Variants in CNTNAP2 observed in about 807,000 individuals in gnomAD.
CNTNAP2 encodes contactin-associated protein-like 2.
Under a neutral mutation model 155.2 loss-of-function variants are expected in CNTNAP2, and 98 were observed. That is an observed-to-expected ratio of 0.63 (90% CI 0.54 to 0.75). The LOEUF is 0.75. Among genes scored for constraint, CNTNAP2 ranks in the 30% least tolerant of loss-of-function variants. CNTNAP2 has a pLI of 0.00. For synonymous variants in CNTNAP2, 651 were observed against 631.2 expected (o/e 1.03, Z -0.47); for missense variants, 1,727 against 1,688.1 (o/e 1.02, Z -0.40).
chr7:147,747,980 A>G (rs12112564), intron 13 of CNTNAP2, among the ~76,000 whole-genome samples: 10,797 of 152,340 alleles, frequency 0.071, 395 homozygotes, highest in African/African-American at 0.092. Context: ...ATGGAAGAAC[A>G]GCAAGTGAGG....
intron 21 of CNTNAP2, among the ~76,000 whole-genome samples, chr7:148,299,022 G>T (rs1429813041): frequency 6.8e-6 from 1 of 148,028 alleles, no homozygotes; most frequent in Non-Finnish European, 1.5e-5. Flanking sequence ...ATGGAGTCTT[G>T]CTCTGTCGCC....
intron 12 of CNTNAP2, among the ~76,000 whole-genome samples, chr7:147,588,821 G>A (rs1800684103): frequency 6.6e-6 from 1 of 152,068 alleles, no homozygotes; most frequent in Non-Finnish European, 1.5e-5. Flanking sequence ...TGTAGACAGG[G>A]GCCTCATCAC....
chr7:146,285,981 T>TGTGTGC (rs1280594716), intron 1 of CNTNAP2, among the ~76,000 whole-genome samples: 1 of 46,796 alleles, frequency 2.1e-5, no homozygotes, highest in African/African-American at 1.4e-4. Context: ...TCCTTCTCTG[T>TGTGTGC]GTGTGTGTGT....
At chr7:146,219,126 A>G (rs1224656936) in intron 1 of CNTNAP2, among the ~76,000 whole-genome samples, 2 of 152,144 alleles carry the variant, frequency 1.3e-5, no homozygotes, top group African/African-American at 2.4e-5. Context: ...GGAAATTGCC[A>G]TTTATAAGAC....
At chr7:147,742,539 C>T (rs1055097102) in intron 13 of CNTNAP2, among the ~76,000 whole-genome samples, 43 of 152,206 alleles carry the variant, frequency 2.8e-4, no homozygotes, top group Admixed American at 6.5e-5. Context: ...GCATATCTTT[C>T]TTTCCTTTTC....
intron 18 of CNTNAP2, among the ~76,000 whole-genome samples, chr7:148,191,106 T>C (rs1795197182): frequency 6.6e-6 from 1 of 152,164 alleles, no homozygotes; most frequent in Non-Finnish European, 1.5e-5. Flanking sequence ...ACTAGAAATG[T>C]AATCTTCAAT....
chr7:146,820,750 A>G (rs886740795), intron 2 of CNTNAP2, among the ~76,000 whole-genome samples: 2 of 152,048 alleles, frequency 1.3e-5, no homozygotes, highest in Non-Finnish European at 2.9e-5. Flanking sequence ...TGATCTGTCT[A>G]ATGTTGACAG....
At chr7:146,449,125 T>C (rs1796442961) in intron 1 of CNTNAP2, among the ~76,000 whole-genome samples, 1 of 152,164 alleles carries the variant, frequency 6.6e-6, no homozygotes, top group South Asian at 2.1e-4. Context: ...TAGATCCTAT[T>C]GAGTTTTTTA....
chr7:147,919,451 T>TTTTCTTTCTTTC (rs1261865757), intron 14 of CNTNAP2, among the ~76,000 whole-genome samples: 1 of 64,668 alleles, frequency 1.5e-5, no homozygotes, highest in Non-Finnish European at 2.7e-5. Context: ...TCTGGCTACT[T>TTTTCTTTCTTTC]TTTCTTTCTT....
chr7:146,549,894 A>G (rs1798089101), intron 1 of CNTNAP2, among the ~76,000 whole-genome samples: 1 of 152,104 alleles, frequency 6.6e-6, no homozygotes, highest in Non-Finnish European at 1.5e-5. Context: ...TCACACCTGC[A>G]GTAGAATCAA....
At chr7:148,380,909 C>T (rs570785291) in intron 21 of CNTNAP2, among the ~76,000 whole-genome samples, 2 of 152,372 alleles carry the variant, frequency 1.3e-5, no homozygotes, top group African/African-American at 4.8e-5. Flanking sequence ...CCACAGCTTT[C>T]AACTCCTCAT....
chr7:147,889,461 A>C lies in CNTNAP2; in HGVS notation c.2099-14104A>C, dbSNP rs546805915. Among the ~76,000 whole-genome samples the C allele has an allele frequency of 7.2e-5, 11 of 152,284 alleles. No individual in the cohort carries two copies. The East Asian group carries it at 1.9e-3, about 27-fold the overall frequency. The stretch of plus-strand genomic sequence containing the variant: ...AAGGCCAGGAGATTACAAATTCCAA[A>C]AAGCTATTGTGAGCCTATTGATACG... On this transcript the variant is annotated intron_variant, in intron 13 of 23. Transcript: ENST00000361727.
chr7:148,026,984 C>T (rs1460701750), intron 15 of CNTNAP2, among the ~76,000 whole-genome samples: 2 of 152,140 alleles, frequency 1.3e-5, no homozygotes, highest in Non-Finnish European at 2.9e-5. Context: ...TTTTTCTGAG[C>T]TTTCTCACAT....
chr7:147,319,771 A>G (rs1360299906), intron 9 of CNTNAP2, among the ~76,000 whole-genome samples: 1 of 152,222 alleles, frequency 6.6e-6, no homozygotes, highest in Non-Finnish European at 1.5e-5. Context: ...CCAAATTATT[A>G]GGATAGTCTT....
At chr7:146,960,030 G>A (rs561249087) in intron 3 of CNTNAP2, among the ~76,000 whole-genome samples, 2 of 152,176 alleles carry the variant, frequency 1.3e-5, no homozygotes, top group East Asian at 1.9e-4. Context: ...TTGTCCACTC[G>A]CAAATGTTTT....
In CNTNAP2 at chr7:146,548,703, T is replaced by C. The variant is rs1206564472; in HGVS notation, c.98-225568T>C. ...ATGTTATTATAAAGTTCTGTTATCA[T>C]TGTTGTTTTTGTTAGTGAGTTGGAG... On this transcript the variant is annotated intron_variant, in intron 1 of 23. Coordinates refer to ENST00000361727, the MANE Select transcript of CNTNAP2 (RefSeq NM_014141.6). Among the ~76,000 whole-genome samples, 8 of 151,872 alleles carry C rather than the reference T, an allele frequency of 5.3e-5. No individual in the cohort carries two copies. The South Asian group carries it at 1.2e-3, about 24-fold the overall frequency.
chr7:148,064,534 A>G (rs994168062), intron 15 of CNTNAP2, among the ~76,000 whole-genome samples: 2 of 152,046 alleles, frequency 1.3e-5, no homozygotes, highest in Non-Finnish European at 2.9e-5. Flanking sequence ...GACTCATCCA[A>G]AAAACCTCCT....
intron 12 of CNTNAP2, among the ~76,000 whole-genome samples, chr7:147,609,302 T>C (rs1801135378): frequency 6.6e-6 from 1 of 152,014 alleles, no homozygotes; most frequent in Non-Finnish European, 1.5e-5. Flanking sequence ...GAGGCCGAGG[T>C]GGGCGGACCA....
intron 13 of CNTNAP2, among the ~76,000 whole-genome samples, chr7:147,709,173 G>A (rs918201551): frequency 7.9e-5 from 12 of 152,076 alleles, no homozygotes; most frequent in Admixed American, 4.6e-4. Flanking sequence ...GGCAATGGCC[G>A]AGCAGAATGA....
Sources: gnomAD v4.1 joint callset for allele counts (sites outside exome capture counted in the v4.1 genomes callset) on GRCh38, gnomAD v4.1.1 for gene constraint, MANE v1.5 for transcripts, NCBI Gene and HGNC (gene_info 2026-07-23, HGNC 2026-07-21) for gene names.